SHFL: variants seen among roughly 807,000 people sequenced by gnomAD.
SHFL encodes the protein shiftless antiviral inhibitor of ribosomal frameshifting protein.
SHFL carries 12 observed loss-of-function variants against 34.7 expected under a neutral mutation model. The ratio of observed to expected loss-of-function variants is 0.35; its 90% CI spans 0.22 to 0.56. SHFL has a LOEUF of 0.56. Among genes scored for constraint, SHFL ranks in the 20% least tolerant of loss-of-function variants. The pLI is 0.88. For synonymous variants in SHFL, 148 were observed against 156.0 expected (o/e 0.95, Z 0.38); for missense variants, 278 against 411.1 (o/e 0.68, Z 2.80).
At position 10,092,278 on chromosome 19, in the gene SHFL, C is replaced by G. The variant is rs373905984; in HGVS notation, c.852C>G (p.Asp284Glu). ...EEEEEEEEVE[D>E]EEGGPRE ...AGGAGGAAGAGGAGGAGGTGGAGGA[C>G]GAGGAGGGCGGGCCCAGGGAGTGAC... Residue 284 changes from aspartate (D) to glutamate (E), a missense_variant, in exon 8 of 8, where the codon GAC (aspartate) becomes GAG (glutamate). Coordinates refer to ENST00000253110, the MANE Select transcript of SHFL (RefSeq NM_018381.4). 2 of 1,589,694 alleles carry G rather than the reference C, an allele frequency of 1.3e-6. No homozygotes were observed. The highest frequency in any genetic ancestry group is 8.6e-7 in the Non-Finnish European group (1 of 1,168,322).
At position 10,092,755 on chromosome 19, in the gene SHFL, C is replaced by A; in HGVS notation, c.*453C>A. 6.2e-7 allele frequency: 1 copy of A among 1,608,918 alleles called. No homozygotes were observed. The highest frequency in any genetic ancestry group is 1.1e-5 in the South Asian group (1 of 90,878). Reference sequence around the variant, plus strand: ...GGCACAGGCATGGTACCACCAGCCTCCCCGCTGGTACAGGGCACAGTTACC... The same window carrying A: ...GGCACAGGCATGGTACCACCAGCCTACCCGCTGGTACAGGGCACAGTTACC... On this transcript the variant is annotated 3_prime_UTR_variant, in exon 8 of 8. Coordinates refer to ENST00000253110, the MANE Select transcript of SHFL (RefSeq NM_018381.4).
Position 10,086,392 on chromosome 19 carries a change from G to A in SHFL, c.-36G>A. On this transcript the variant is annotated 5_prime_UTR_variant, in exon 1 of 8. The change creates a new upstream start codon in the 5' untranslated region. Coordinates refer to ENST00000253110, the MANE Select transcript of SHFL (RefSeq NM_018381.4). This position sits in a 1 kb window ranked among gnomAD's most constrained non-coding sequence, Gnocchi z 5.2. ...GGTAGGGGGGCGGCTGAGCCGCGCA[G>A]TGCGGACCCTCGCGGGGAACTGCGC... 1 of 1,317,236 alleles carries A rather than the reference G, an allele frequency of 7.6e-7. No homozygotes were observed. The highest frequency in any genetic ancestry group is 9.7e-7 in the Non-Finnish European group (1 of 1,026,918). 81.6% of individuals were successfully genotyped at this position (1,317,236 alleles called of 1,614,324 possible). A position where few individuals can be genotyped will look rare whatever the true frequency, so the allele number is the denominator to read the frequency against.
chr19:10,087,967 A>G (rs1320038673), intron 3 of SHFL: 1 of 153,806 alleles, frequency 6.5e-6, no homozygotes, highest in Non-Finnish European at 1.4e-5. Context: ...AGGGCTGTTA[A>G]AGAGTATAAT....
In SHFL at chr19:10,092,694, G is replaced by A. The variant is rs1305244120; in HGVS notation, c.*392G>A. ...CATCCTGGTAGCGGCTTCGGTAGTG[G>A]CCGCCGTGGTGCCACACACCGTTGA... On this transcript the variant is annotated 3_prime_UTR_variant, in exon 8 of 8. Transcript: ENST00000253110. 4 of 1,614,016 alleles carry A rather than the reference G, an allele frequency of 2.5e-6. No individual in the cohort carries two copies. Among genetic ancestry groups the A allele is most frequent in the Non-Finnish European group, 3.4e-6 (4 of 1,179,906 alleles).
chr19:10,088,942 C>G (rs1031916778), intron 3 of SHFL: 1 of 139,716 alleles, frequency 7.2e-6, no homozygotes, highest in African/African-American at 2.7e-5. Context: ...AGCGAAACTC[C>G]GTCTCAAAAA....
Position 10,086,917 on chromosome 19 carries a change from T to C in SHFL, c.22-12T>C. ...CCCTTCCCCCACCGGAACCCCCCTG[T>C]CTCCATCCCAGCTGGAGAAGAGCGT... On this transcript the variant is annotated splice_polypyrimidine_tract_variant and intron_variant, in intron 1 of 7. Coordinates refer to ENST00000253110, the MANE Select transcript of SHFL (RefSeq NM_018381.4). The surrounding 1 kb of genome is among the most constrained non-coding windows in gnomAD (Gnocchi z 5.2). 1 of 1,613,388 alleles carries C rather than the reference T, an allele frequency of 6.2e-7. No homozygotes were observed. Among genetic ancestry groups the C allele is most frequent in the Non-Finnish European group, 8.5e-7 (1 of 1,179,670 alleles).
Position 10,086,803 on chromosome 19 carries a change from C to CGG in SHFL, c.22-117_22-116dup, listed in dbSNP as rs58018039. 4.2e-3 allele frequency: 4,220 copies of CGG among 994,158 alleles called. 62 individuals are homozygous for CGG. In the African/African-American group the frequency reaches 0.049, roughly 12 times the overall value. 61.6% of individuals were successfully genotyped at this position (994,158 alleles called of 1,614,324 possible). A position where few individuals can be genotyped will look rare whatever the true frequency, so the allele number is the denominator to read the frequency against. ...GGAAATGCCGTAAAGGGATGAAAGG[C>CGG]GGGGGGGGGGCGGCGGAGGCCAAAA... On this transcript the variant is annotated intron_variant, in intron 1 of 7. Transcript: ENST00000253110. The surrounding 1 kb of genome is among the most constrained non-coding windows in gnomAD (Gnocchi z 5.2).
chr19:10,090,106 A>C, intron 5 of SHFL, 59 bp downstream of exon 5: 1 of 1,536,770 alleles, frequency 6.5e-7, no homozygotes, highest in South Asian at 1.2e-5. Context: ...CCTGACTCCT[A>C]TCCTCAGTGA....
chr19:10,092,787 G>T lies in SHFL; in HGVS notation c.*485G>T, dbSNP rs765443316. The T allele has an allele frequency of 1.9e-6, 3 of 1,579,462 alleles. No individual in the cohort carries two copies. The highest frequency in any genetic ancestry group is 2.6e-6 in the Non-Finnish European group (3 of 1,156,182). Reference sequence around the variant, plus strand: ...GGTACAGGGCACAGTTACCTGAGGGGAGAGAGAGAGTCCATGTCCTCTCAC... The same window carrying T: ...GGTACAGGGCACAGTTACCTGAGGGTAGAGAGAGAGTCCATGTCCTCTCAC... On this transcript the variant is annotated 3_prime_UTR_variant, in exon 8 of 8. Coordinates refer to ENST00000253110, the MANE Select transcript of SHFL (RefSeq NM_018381.4).
Position 10,092,745 on chromosome 19 carries a change from C to A in SHFL, c.*443C>A, listed in dbSNP as rs760328366. 2.5e-6 allele frequency: 4 copies of A among 1,609,996 alleles called. No individual in the cohort carries two copies. The highest frequency in any genetic ancestry group is 3.4e-6 in the Non-Finnish European group (4 of 1,176,746). On this transcript the variant is annotated 3_prime_UTR_variant, in exon 8 of 8. Transcript: ENST00000253110. ...GGTTGGAGTGGGCACAGGCATGGTA[C>A]CACCAGCCTCCCCGCTGGTACAGGG...
chr19:10,090,033 C>A lies in SHFL; in HGVS notation c.370C>A (p.Pro124Thr). 6.2e-7 allele frequency: 1 copy of A among 1,603,088 alleles called. No homozygotes were observed. Among genetic ancestry groups the A allele is most frequent in the Non-Finnish European group, 8.5e-7 (1 of 1,175,506 alleles). The change falls in exon 5 of 8, where the codon CCC (proline) becomes ACC (threonine). Residue 124 changes from proline to threonine, a missense_variant. By Grantham distance (38) the Pro-to-Thr change is conservative (BLOSUM62 -1). Coordinates refer to ENST00000253110, the MANE Select transcript of SHFL (RefSeq NM_018381.4). Reference sequence around the variant, plus strand: ...CGACCACGTCTGGTGGCGCCGCGTGCCCCAGCGGAAGGAGGTGATGACCTA... The same window carrying A: ...CGACCACGTCTGGTGGCGCCGCGTGACCCAGCGGAAGGAGGTGATGACCTA... Reference protein sequence around the residue: ...SCDHVWWRRVPQRKEVSRCRK... With the variant: ...SCDHVWWRRVTQRKEVSRCRK...
chr19:10,087,427 C>T, intron 3 of SHFL, 127 bp downstream of exon 3: 1 of 963,834 alleles, frequency 1.0e-6, no homozygotes, highest in South Asian at 1.4e-5. Context: ...CGGTCCATAA[C>T]TCATCACCCA....
intron 3 of SHFL, chr19:10,088,260 CAAA>C (rs71188880): frequency 1.9e-4 from 11 of 59,030 alleles, no homozygotes; most frequent in African/African-American, 3.7e-4. Context: ...AACTCTGTCT[CAAA>C]AAAAAAAAAA....
At position 10,086,908 on chromosome 19, in the gene SHFL, A is replaced by AC. The variant is rs757102628; in HGVS notation, c.22-15dup. 11 of 1,612,818 alleles carry AC rather than the reference A, an allele frequency of 6.8e-6. 1 individual carries two copies. In the Admixed American group the frequency reaches 1.8e-4, roughly 27 times the overall value. ...TCCCGTTTCCCCTTCCCCCACCGGA[A>AC]CCCCCCTGTCTCCATCCCAGCTGGA... is the stretch of plus-strand genomic sequence containing the variant. On this transcript the variant is annotated intron_variant, in intron 1 of 7. Coordinates refer to ENST00000253110, the MANE Select transcript of SHFL (RefSeq NM_018381.4). This position sits in a 1 kb window ranked among gnomAD's most constrained non-coding sequence, Gnocchi z 5.2.
chr19:10,087,438 A>G (rs62106208), intron 3 of SHFL, 138 bp downstream of exon 3: 4 of 872,704 alleles, frequency 4.6e-6, no homozygotes, highest in Admixed American at 4.8e-5. Flanking sequence ...TCATCACCCA[A>G]TCTCACTTTT....
intron 3 of SHFL, chr19:10,089,291 T>C: frequency 3.1e-6 from 5 of 1,597,530 alleles, no homozygotes; most frequent in Admixed American, 1.7e-5. Flanking sequence ...TGAACCCACA[T>C]CTCTCTCCCA....
chr19:10,087,669 G>T, intron 3 of SHFL: 1 of 205,126 alleles, frequency 4.9e-6, no homozygotes, highest in African/African-American at 2.5e-5. Flanking sequence ...AGGGGAAAGG[G>T]AAAGAAAGGC....
At chr19:10,087,137 T>C in intron 2 of SHFL, 85 bp downstream of exon 2, 1 of 1,585,834 alleles carries the variant, frequency 6.3e-7, no homozygotes, top group African/African-American at 1.3e-5. Context: ...GGCGTTGAGA[T>C]CACCTCCCCC....
In SHFL at chr19:10,090,057, TA is replaced by T. The variant is rs2088355152; in HGVS notation, c.384+14del. The T allele has an allele frequency of 6.3e-7, 1 of 1,596,176 alleles. No individual in the cohort carries two copies. The highest frequency in any genetic ancestry group is 8.5e-7 in the Non-Finnish European group (1 of 1,172,052). On this transcript the variant is annotated intron_variant, in intron 5 of 7. Transcript: ENST00000253110. The stretch of plus-strand genomic sequence containing the variant: ...GCCCCAGCGGAAGGAGGTGATGACC[TA>T]AAACTTAACCTCGACTTTGACTGTC...
Sources: allele counts gnomAD v4.1 joint callset, GRCh38; gene constraint gnomAD v4.1.1; non-coding constraint Gnocchi (gnomAD v3.1); transcripts MANE v1.5; gene names NCBI Gene and HGNC (gene_info 2026-07-23, HGNC 2026-07-21).